Variants in EXOC1 observed in about 807,000 individuals in gnomAD.
EXOC1 encodes the protein exocyst complex component 1.
Under a neutral mutation model 107.7 loss-of-function variants are expected in EXOC1, and 67 were observed. The observed-to-expected ratio is 0.62, with a 90% CI of 0.51 to 0.76. EXOC1 has a LOEUF of 0.76. Ranked by LOEUF, EXOC1 falls within the 30% of genes least tolerant of loss-of-function variation. The pLI is 0.00. For synonymous variants in EXOC1, 348 were observed against 353.5 expected (o/e 0.98, Z 0.17); for missense variants, 833 against 1,055.7 (o/e 0.79, Z 2.92).
At position 55,868,455 on chromosome 4, in the gene EXOC1, G is replaced by A; in HGVS notation, c.535G>A (p.Glu179Lys). The part of the protein sequence containing the change: ...QDIEIMMEGC[E>K]YAISNAEAFA... ...TATCGAAATAATGATGGAAGGCTGT[G>A]AATATGCAATCTCGAATGCGGAAGC... Residue 179 changes from glutamate to lysine, a missense_variant, in exon 5 of 19, where the codon GAA (glutamate) becomes AAA (lysine). By Grantham distance (56) the Glu-to-Lys change is moderately conservative (BLOSUM62 1). Around this residue, in one of 2 missense-constraint regions of EXOC1, gnomAD observed 617 missense variants for 701.3 expected, o/e 0.88. Coordinates refer to ENST00000381295, the MANE Select transcript of EXOC1 (RefSeq NM_001024924.2). 2 of 1,613,812 alleles carry A rather than the reference G, an allele frequency of 1.2e-6. No homozygotes were observed. The highest frequency in any genetic ancestry group is 4.5e-5 in the East Asian group (2 of 44,866).
At chr4:55,860,622 T>C in intron 3 of EXOC1, 81 bp downstream of exon 3, 4 of 1,490,634 alleles carry the variant, frequency 2.7e-6, no homozygotes. Context: ...TCTAAAATGA[T>C]CTAAAAACAA....
At chr4:55,900,288 G>A (rs1451663894) in intron 17 of EXOC1, among the ~76,000 whole-genome samples, 1 of 152,002 alleles carries the variant, frequency 6.6e-6, no homozygotes, top group East Asian at 1.9e-4. Context: ...ATTAGGCTTT[G>A]CCGTTACTCT....
In EXOC1 at chr4:55,858,308, T is replaced by G; in HGVS notation, c.-10-6T>G. On this transcript the variant is annotated splice_polypyrimidine_tract_variant and splice_region_variant and intron_variant, in intron 1 of 18. Coordinates refer to ENST00000381295, the MANE Select transcript of EXOC1 (RefSeq NM_001024924.2). ...GAGCTTAATATCTATACTCCACATT[T>G]TTCAGCTGAGAAAAGATGACAGCAA... 1 of 1,599,420 alleles carries G rather than the reference T, an allele frequency of 6.3e-7. No homozygotes were observed. The highest frequency in any genetic ancestry group is 1.2e-5 in the South Asian group (1 of 86,836).
rs373360149 is a variant in EXOC1 at position 55,899,678 on chromosome 4, G to A, written c.2138-7G>A. 7.4e-5 allele frequency: 119 copies of A among 1,604,126 alleles called. No individual in the cohort carries two copies. In the African/African-American group the frequency reaches 1.3e-3, roughly 18 times the overall value. ...ATGTTATTTTATTTTTTCTGTTTTG[G>A]TTTTAGTGGAGAAAGTAGCAAATGA... On this transcript the variant is annotated splice_region_variant and splice_polypyrimidine_tract_variant and intron_variant, in intron 16 of 18. Transcript: ENST00000381295.
Position 55,866,028 on chromosome 4 carries a change from T to A in EXOC1, c.415+1642T>A, listed in dbSNP as rs186343315. On this transcript the variant is annotated intron_variant, in intron 4 of 18. Transcript: ENST00000381295. ...AGTTCAGGGAATAGCTTCATTAATG[T>A]CTACAAACTTGTTTTATGGACCTTG... Among the ~76,000 whole-genome samples, 98 of 152,304 alleles carry A rather than the reference T, an allele frequency of 6.4e-4. 1 individual carries two copies. Among genetic ancestry groups the A allele is most frequent in the Non-Finnish European group, 1.6e-4 (11 of 68,014 alleles).
intron 1 of EXOC1, among the ~76,000 whole-genome samples, chr4:55,856,167 G>A (rs1485103637): frequency 1.3e-5 from 2 of 152,212 alleles, no homozygotes; most frequent in African/African-American, 4.8e-5. Flanking sequence ...TGTAATGCAC[G>A]CAATGAGCGT....
intron 8 of EXOC1, chr4:55,875,813 C>T (rs995279679): frequency 1.0e-6 from 1 of 983,484 alleles, no homozygotes; most frequent in Non-Finnish European, 1.2e-6. Context: ...ACCTGTAATT[C>T]CAGCACTTTG....
chr4:55,861,208 C>T (rs1218123994), intron 3 of EXOC1, among the ~76,000 whole-genome samples: 1 of 152,130 alleles, frequency 6.6e-6, no homozygotes, highest in Non-Finnish European at 1.5e-5. Flanking sequence ...CTTCCTCCCC[C>T]TGGCCCTCTC....
chr4:55,903,588 A>G (rs571674206), intron 18 of EXOC1, among the ~76,000 whole-genome samples: 1 of 152,314 alleles, frequency 6.6e-6, no homozygotes, highest in African/African-American at 2.4e-5. Context: ...GGAAGAATAC[A>G]TTCCCTCAGC....
At chr4:55,858,231 A>C in intron 1 of EXOC1, 83 bp from the exon 2 acceptor site, 1 of 1,378,790 alleles carries the variant, frequency 7.3e-7, no homozygotes, top group East Asian at 2.6e-5. Context: ...TTAACCAAAA[A>C]TTATTTTCAA....
intron 4 of EXOC1, among the ~76,000 whole-genome samples, chr4:55,867,539 G>T: frequency 6.7e-6 from 1 of 148,826 alleles, no homozygotes; most frequent in Admixed American, 6.7e-5. Flanking sequence ...TTTATATACA[G>T]TGCTCACATG....
chr4:55,887,725 CAAAAA>C (rs754950176), intron 10 of EXOC1, among the ~76,000 whole-genome samples: 2 of 97,074 alleles, frequency 2.1e-5, no homozygotes, highest in African/African-American at 3.8e-5. Context: ...GATCCTGCCT[CAAAAA>C]AAAAAAAAAA....
intron 9 of EXOC1, among the ~76,000 whole-genome samples, chr4:55,878,792 G>A (rs1168871586): frequency 1.3e-5 from 2 of 152,150 alleles, no homozygotes; most frequent in Admixed American, 1.3e-4. Flanking sequence ...GGTTAAGGGT[G>A]ACCGAAGCAG....
intron 2 of EXOC1, among the ~76,000 whole-genome samples, chr4:55,859,095 TTA>T (rs1466147192): frequency 6.6e-6 from 1 of 152,206 alleles, no homozygotes. Context: ...GGTTGTCATC[TTA>T]TATGTTATTT....
chr4:55,877,740 A>C (rs1723031393), intron 8 of EXOC1, 177 bp from the exon 9 acceptor site: 1 of 984,918 alleles, frequency 1.0e-6, no homozygotes, highest in African/African-American at 1.7e-5. Flanking sequence ...TTTGATATAC[A>C]CAGGATATAA....
At chr4:55,881,332 G>C (rs747667399) in intron 9 of EXOC1, among the ~76,000 whole-genome samples, 16 of 152,128 alleles carry the variant, frequency 1.1e-4, no homozygotes, top group Non-Finnish European at 5.9e-5. Flanking sequence ...TTGGCAGTCT[G>C]ACTTGAAGAT....
In EXOC1 at chr4:55,891,317, C is replaced by T. The variant is rs1724516912; in HGVS notation, c.1542C>T (p.Ile514=). The T allele has an allele frequency of 4.3e-6, 7 of 1,610,798 alleles. No individual in the cohort carries two copies. Among genetic ancestry groups the T allele is most frequent in the Non-Finnish European group, 5.1e-6 (6 of 1,177,204 alleles). ...AGGATCACTTTGGTTTTCTTCAGAT[C>T]TTTGAACAGGTACTAAGTGAACTGG... The part of the protein sequence containing the change: ...DVADRTKFDK[I]FEQVLSELEP... Residue 514 remains isoleucine (I), a splice_region_variant and synonymous_variant, in exon 13 of 19, where the codon ATC becomes ATT. Coordinates refer to ENST00000381295, the MANE Select transcript of EXOC1 (RefSeq NM_001024924.2).
At chr4:55,901,922 A>G (rs541318175) in intron 17 of EXOC1, among the ~76,000 whole-genome samples, 9 of 152,152 alleles carry the variant, frequency 5.9e-5, no homozygotes, top group Non-Finnish European at 8.8e-5. Flanking sequence ...TTTATGACAA[A>G]TATATTTATA....
intron 9 of EXOC1, among the ~76,000 whole-genome samples, chr4:55,879,989 T>C (rs1161681706): frequency 6.6e-6 from 1 of 152,150 alleles, no homozygotes; most frequent in Non-Finnish European, 1.5e-5. Flanking sequence ...AATATTGGAA[T>C]TGCTAATATA....
Sources: allele counts gnomAD v4.1 joint callset (sites outside exome capture counted in the v4.1 genomes callset), GRCh38; gene constraint gnomAD v4.1.1; regional missense constraint gnomAD v4.1.1; transcripts MANE v1.5; gene names NCBI Gene and HGNC (gene_info 2026-07-23, HGNC 2026-07-21).